The following AGT variants were observed in gnomAD, a reference collection of about 807,000 sequenced individuals.
The protein encoded by AGT is angiotensinogen.
AGT carries 26 observed loss-of-function variants against 28.1 expected under a neutral mutation model. The observed-to-expected ratio is 0.92, with a 90% CI of 0.68 to 1.28. The LOEUF (loss-of-function observed/expected upper bound fraction) is 1.28, where lower values mean the gene tolerates loss of function less well. AGT is among the 50% of genes most tolerant of loss of function. The probability of loss-of-function intolerance (pLI) is 0.00; values close to 1 mark genes in which losing one functional copy is unlikely to be tolerated. For synonymous variants in AGT, 259 were observed against 259.6 expected, an observed-to-expected ratio of 1.00 and a Z score of 0.02; for missense variants, 596 against 592.3, an observed-to-expected ratio of 1.01 and a Z score of -0.06.
rs1663311821 is a variant in AGT, at chr1:230,704,133, G to A, written c.1242+60C>T. On this transcript the variant is annotated intron_variant, in intron 4 of 4. Transcript: ENST00000366667. ...CCTCCTCTGTGTCCCTTACATCCAT[G>A]CCTCCCACCCTGTGCACACTTGGAA... 3.3e-5 allele frequency: 53 copies of A among 1,612,802 alleles called. 1 individual carries two copies. The South Asian group carries it at 5.7e-4, about 17-fold the overall frequency.
At chr1:230,721,996 G>A (rs1236330198) in intron 1 of AGT, among the ~76,000 whole-genome samples, 1 of 151,848 alleles carries the variant, frequency 6.6e-6, no homozygotes, top group Non-Finnish European at 1.5e-5. Context: ...GGGCATGTCA[G>A]AGACCTTCAC....
At chr1:230,740,349 A>G (rs2102807567) in intron 1 of AGT, among the ~76,000 whole-genome samples, 1 of 151,944 alleles carries the variant, frequency 6.6e-6, no homozygotes, top group Middle Eastern at 3.4e-3. Context: ...TGACCTGCCG[A>G]CCTCCTATGT....
chr1:230,721,659 G>A (rs1299775592), intron 1 of AGT, among the ~76,000 whole-genome samples: 5 of 152,204 alleles, frequency 3.3e-5, no homozygotes, highest in Non-Finnish European at 7.3e-5. Flanking sequence ...ATGAAGTTCA[G>A]TCTGAAGTGG....
At chr1:230,737,115 C>T (rs1664169755) in intron 1 of AGT, among the ~76,000 whole-genome samples, 1 of 152,074 alleles carries the variant, frequency 6.6e-6, no homozygotes, top group African/African-American at 2.4e-5. Flanking sequence ...CTAGTTCTTG[C>T]TCATTTCCAT....
chr1:230,714,845 A>G (rs1404965196), upstream of AGT, among the ~76,000 whole-genome samples: 2 of 152,228 alleles, frequency 1.3e-5, no homozygotes, highest in East Asian at 3.8e-4. Flanking sequence ...ATGACCAGTA[A>G]AAGGGTTATA....
At chr1:230,740,013 G>A (rs1664218925) in intron 1 of AGT, among the ~76,000 whole-genome samples, 1 of 151,994 alleles carries the variant, frequency 6.6e-6, no homozygotes, top group South Asian at 2.1e-4. Flanking sequence ...AGTATACTTA[G>A]GGTTATTTCT....
At chr1:230,741,894 A>G (rs955539452) in intron 1 of AGT, among the ~76,000 whole-genome samples, 3 of 152,168 alleles carry the variant, frequency 2.0e-5, no homozygotes, top group African/African-American at 7.2e-5. Flanking sequence ...GGCTTTTAAA[A>G]GTCGACAACA....
intron 1 of AGT, 97 bp from the exon 2 acceptor site, chr1:230,710,950 C>T (rs1663573408): frequency 1.4e-6 from 2 of 1,443,736 alleles, no homozygotes; most frequent in Admixed American, 3.5e-5. Context: ...TCCCTGTCAC[C>T]ATTTAGCCCA....
At chr1:230,719,419 T>TATTATTATTATTATG (rs373330851), upstream of AGT, among the ~76,000 whole-genome samples, 95 of 94,768 alleles carry the variant, frequency 1.0e-3, no homozygotes, top group South Asian at 7.3e-3. Context: ...TTTTTTTTTT[T>TATTATTATTATTATG]TTTTTTGAGA....
chr1:230,742,919 T>C (rs1201586568), intron 1 of AGT, among the ~76,000 whole-genome samples: 1 of 152,192 alleles, frequency 6.6e-6, no homozygotes, highest in Admixed American at 6.5e-5. Context: ...CATTGGTAGC[T>C]CTGAGAGGTA....
At chr1:230,719,487 A>G (rs1361349553), upstream of AGT, among the ~76,000 whole-genome samples, 3 of 146,488 alleles carry the variant, frequency 2.0e-5, no homozygotes, top group African/African-American at 7.6e-5. Flanking sequence ...GGCTCACTGC[A>G]AGCTCCGCCT....
intron 1 of AGT, among the ~76,000 whole-genome samples, chr1:230,730,836 C>G (rs1664038332): frequency 6.6e-6 from 1 of 152,106 alleles, no homozygotes; most frequent in African/African-American, 2.4e-5. Context: ...GGGATGTGAG[C>G]CTTTTCAAAT....
chr1:230,739,173 C>A (rs1159047449), intron 1 of AGT, among the ~76,000 whole-genome samples: 1 of 150,196 alleles, frequency 6.7e-6, no homozygotes, highest in Non-Finnish European at 1.5e-5. Context: ...GTGTGGGCAA[C>A]ATACTGAGAC....
At chr1:230,726,479 A>G (rs1404510388) in intron 1 of AGT, among the ~76,000 whole-genome samples, 1 of 151,632 alleles carries the variant, frequency 6.6e-6, no homozygotes, top group Non-Finnish European at 1.5e-5. Context: ...CTCCAAATTT[A>G]AAAACTAAAA....
chr1:230,720,553 A>C (rs1663823288), intron 1 of AGT, among the ~76,000 whole-genome samples: 1 of 152,196 alleles, frequency 6.6e-6, no homozygotes, highest in Non-Finnish European at 1.5e-5. Context: ...AGACAGTTTA[A>C]AGCCTGAAAG....
intron 3 of AGT, 113 bp from the exon 4 acceptor site, chr1:230,704,450 TC>T (rs972038373): frequency 2.9e-6 from 4 of 1,382,604 alleles, no homozygotes; most frequent in Non-Finnish European, 3.0e-6. Flanking sequence ...GGATGTTTGC[TC>T]CCCCCATCAC....
chr1:230,709,537 C>T (rs1012044261), intron 2 of AGT, among the ~76,000 whole-genome samples: 5 of 152,098 alleles, frequency 3.3e-5, no homozygotes, highest in Admixed American at 6.6e-5. Context: ...CTTATTTCTG[C>T]ATGGGCCAGG....
Position 230,710,788 on chromosome 1 carries a change from G to A in AGT, c.36C>T (p.Ile12=), listed in dbSNP as rs1250279066. 2 of 1,614,166 alleles carry A rather than the reference G, an allele frequency of 1.2e-6. No homozygotes were observed. Among genetic ancestry groups the A allele is most frequent in the Non-Finnish European group, 1.7e-6 (2 of 1,180,028 alleles). Reference sequence around the variant, plus strand: ...GGCCAGCCCAGGCCAGGAGGCAGAGGATGGTGGCCCTCAGGCTCACACCGG... The same window carrying A: ...GGCCAGCCCAGGCCAGGAGGCAGAGAATGGTGGCCCTCAGGCTCACACCGG... ...APAGVSLRAT[I]LCLLAWAGLA... is the part of the protein sequence containing the mutation. The change falls in exon 2 of 5, where the codon ATC becomes ATT. Residue 12 remains isoleucine, a synonymous_variant. Transcript: ENST00000366667.
upstream of AGT, among the ~76,000 whole-genome samples, chr1:230,715,154 G>A (rs958051871): frequency 3.9e-5 from 6 of 152,132 alleles, no homozygotes; most frequent in Admixed American, 6.5e-5. Context: ...GATGGTGCCT[G>A]GATATGAGGC....
Sources: gnomAD v4.1 joint callset for allele counts (sites outside exome capture counted in the v4.1 genomes callset) on GRCh38, gnomAD v4.1.1 for gene constraint, MANE v1.5 for transcripts, NCBI Gene and HGNC (gene_info 2026-07-23, HGNC 2026-07-21) for gene names.